The following VAT1L variants were observed in gnomAD, a reference collection of about 807,000 sequenced individuals.
VAT1L encodes putative NADPH-dependent quinone oxidoreductase VAT1L.
In VAT1L, 34 loss-of-function variants were observed where a neutral mutation model predicts 44.1. The observed-to-expected ratio is 0.77, with a 90% CI of 0.59 to 1.03. The LOEUF is 1.03. Ranked by LOEUF, VAT1L falls within the 50% of genes least tolerant of loss-of-function variation. The probability of loss-of-function intolerance (pLI) is 0.00; values close to 1 mark genes in which losing one functional copy is unlikely to be tolerated. For missense variants in VAT1L, 615 were observed against 538.8 expected (o/e 1.14, Z -1.40); for synonymous variants, 253 against 202.2 (o/e 1.25, Z -2.13).
intron 7 of VAT1L, among the ~76,000 whole-genome samples, chr16:77,964,110 C>G (rs1401601916): frequency 6.6e-6 from 1 of 151,974 alleles, no homozygotes; most frequent in Non-Finnish European, 1.5e-5. Flanking sequence ...TTCAGATCCA[C>G]CTGGAGCCAA....
chr16:77,971,048 A>T (rs1042668881), intron 7 of VAT1L, among the ~76,000 whole-genome samples: 3 of 151,974 alleles, frequency 2.0e-5, no homozygotes, highest in African/African-American at 7.3e-5. Flanking sequence ...TTGCATTTCC[A>T]CGCAGATTTC....
chr16:77,927,294 C>T (rs1383096009), intron 7 of VAT1L, among the ~76,000 whole-genome samples: 5 of 149,958 alleles, frequency 3.3e-5, no homozygotes, highest in Admixed American at 6.6e-5. Flanking sequence ...GCCGAGATCG[C>T]GCCACTACAC....
intron 7 of VAT1L, among the ~76,000 whole-genome samples, chr16:77,889,034 G>A (rs931396813): frequency 3.9e-5 from 6 of 152,162 alleles, no homozygotes; most frequent in African/African-American, 7.2e-5. Context: ...TCAAGCCCAC[G>A]CAGCTCTTCT....
At chr16:77,831,119 G>A (rs902044082) in intron 3 of VAT1L, among the ~76,000 whole-genome samples, 1 of 152,196 alleles carries the variant, frequency 6.6e-6, no homozygotes, top group Non-Finnish European at 1.5e-5. Context: ...GGGTTGTTTG[G>A]TAAGAAGAAG....
intron 1 of VAT1L, among the ~76,000 whole-genome samples, chr16:77,792,595 T>C (rs1015556162): frequency 2.6e-5 from 4 of 151,856 alleles, no homozygotes; most frequent in Non-Finnish European, 4.4e-5. Context: ...AGTGGGGACA[T>C]TGAGCCTCTC....
chr16:77,803,400 C>A (rs1025695843), intron 1 of VAT1L, among the ~76,000 whole-genome samples: 1 of 150,676 alleles, frequency 6.6e-6, no homozygotes, highest in Non-Finnish European at 1.5e-5. Context: ...ATTGAAACAA[C>A]CATTTTACTA....
chr16:77,914,061 C>T (rs1189979735), intron 7 of VAT1L, among the ~76,000 whole-genome samples: 1 of 152,210 alleles, frequency 6.6e-6, no homozygotes, highest in Non-Finnish European at 1.5e-5. Context: ...AGAGCTTTTA[C>T]TGCAGCCCAG....
intron 1 of VAT1L, among the ~76,000 whole-genome samples, chr16:77,796,671 G>T (rs953450944): frequency 1.3e-5 from 2 of 152,224 alleles, no homozygotes; most frequent in African/African-American, 4.8e-5. Context: ...AATAAAGGTT[G>T]TTTCTTCCTA....
rs116796016 is a variant in VAT1L at position 77,946,629 on chromosome 16, A to G, written c.1078-25221A>G. On this transcript the variant is annotated intron_variant, in intron 7 of 8. Coordinates refer to ENST00000302536, the MANE Select transcript of VAT1L (RefSeq NM_020927.3). ...AAACCTCTACTTGGAATTTTATTTA[A>G]AAAGTATTTATATCTAAAATGTTTG... Among the ~76,000 whole-genome samples, 295 of 152,332 alleles carry G rather than the reference A, an allele frequency of 1.9e-3. 2 individuals are homozygous for G. Among genetic ancestry groups the G allele is most frequent in the African/African-American group, 6.5e-3 (272 of 41,562 alleles).
At chr16:77,789,027 C>G (rs569280523) in intron 1 of VAT1L, 112 bp downstream of exon 1, 153 of 1,262,368 alleles carry the variant, frequency 1.2e-4, no homozygotes, top group Admixed American at 1.1e-3. Flanking sequence ...CGCGCGCACC[C>G]CCTCCGCGCC....
intron 1 of VAT1L, among the ~76,000 whole-genome samples, chr16:77,808,187 G>A (rs1221212728): frequency 2.0e-5 from 3 of 151,998 alleles, no homozygotes; most frequent in African/African-American, 4.8e-5. Flanking sequence ...TCAGATCAGC[G>A]GCAGCATTAG....
At chr16:77,927,978 C>T (rs939387711) in intron 7 of VAT1L, among the ~76,000 whole-genome samples, 16 of 152,184 alleles carry the variant, frequency 1.1e-4, no homozygotes, top group African/African-American at 3.9e-4. Context: ...AATCAAAAGT[C>T]ATTTGACCTC....
At chr16:77,969,170 T>C (rs1261318901) in intron 7 of VAT1L, among the ~76,000 whole-genome samples, 3 of 152,202 alleles carry the variant, frequency 2.0e-5, no homozygotes, top group Non-Finnish European at 4.4e-5. Flanking sequence ...TCTCAAGATA[T>C]CGAGATATTG....
chr16:77,841,320 C>G (rs905433805), intron 3 of VAT1L, among the ~76,000 whole-genome samples: 8 of 152,214 alleles, frequency 5.3e-5, no homozygotes, highest in Admixed American at 2.0e-4. Flanking sequence ...TGGGCTCATG[C>G]AGTCCTCCTG....
intron 7 of VAT1L, among the ~76,000 whole-genome samples, chr16:77,894,647 C>T (rs1188861012): frequency 6.6e-6 from 1 of 152,060 alleles, no homozygotes; most frequent in African/African-American, 2.4e-5. Context: ...GTGATAATTT[C>T]ACAACTCTGA....
At chr16:77,856,021 C>T (rs2016855007) in intron 3 of VAT1L, among the ~76,000 whole-genome samples, 1 of 151,942 alleles carries the variant, frequency 6.6e-6, no homozygotes, top group South Asian at 2.1e-4. Context: ...TCAAAACAAA[C>T]AAACAAACAA....
At chr16:77,807,589 A>G (rs1256092001) in intron 1 of VAT1L, among the ~76,000 whole-genome samples, 7 of 152,050 alleles carry the variant, frequency 4.6e-5, no homozygotes, top group African/African-American at 1.2e-4. Flanking sequence ...AACACTCCCT[A>G]TCAGACCTCT....
intron 4 of VAT1L, among the ~76,000 whole-genome samples, chr16:77,863,835 C>G (rs1047569703): frequency 6.6e-6 from 1 of 152,060 alleles, no homozygotes; most frequent in African/African-American, 2.4e-5. Flanking sequence ...ACATAAAGAC[C>G]ATGTACACCA....
chr16:77,831,577 T>C (rs1370434110), intron 3 of VAT1L, among the ~76,000 whole-genome samples: 1 of 152,066 alleles, frequency 6.6e-6, no homozygotes, highest in Non-Finnish European at 1.5e-5. Context: ...TGAGGGAAAG[T>C]CTATAAAATA....
Sources: allele counts gnomAD v4.1 joint callset (sites outside exome capture counted in the v4.1 genomes callset), GRCh38; gene constraint gnomAD v4.1.1; transcripts MANE v1.5; gene names NCBI Gene and HGNC (gene_info 2026-07-23, HGNC 2026-07-21).